The following ADAM7 variants were observed in gnomAD, a reference collection of about 807,000 sequenced individuals.
ADAM7 encodes ADAM metallopeptidase domain 7.
A neutral mutation model predicts 102.9 loss-of-function variants in ADAM7; 97 were observed. The ratio of observed to expected loss-of-function variants is 0.94; its 90% CI spans 0.80 to 1.12. The LOEUF is 1.12. Among genes scored for constraint, ADAM7 ranks in the 50% most tolerant of loss-of-function variants. The probability of loss-of-function intolerance (pLI) is 0.00; values close to 1 mark genes in which losing one functional copy is unlikely to be tolerated. For missense variants in ADAM7, 991 were observed against 908.7 expected, an observed-to-expected ratio of 1.09 and a Z score of -1.16; for synonymous variants, 334 against 304.4, an observed-to-expected ratio of 1.10 and a Z score of -1.01.
At chr8:24,477,578 G>GTGTGTGTGTGTGTT (rs1819810166) in intron 8 of ADAM7, among the ~76,000 whole-genome samples, 1 of 151,966 alleles carries the variant, frequency 6.6e-6, no homozygotes, top group African/African-American at 2.4e-5. Context: ...CAGTGTGTGT[G>GTGTGTGTGTGTGTT]TGTGTGTGTG....
intron 8 of ADAM7, among the ~76,000 whole-genome samples, chr8:24,476,827 C>T (rs73547067): frequency 5.5e-4 from 83 of 152,084 alleles, no homozygotes; most frequent in Non-Finnish European, 1.0e-3. Context: ...TGCTCTGTGA[C>T]GTTGTATAAC....
intron 20 of ADAM7, 55 bp downstream of exon 20, chr8:24,501,631 C>G (rs555518160): frequency 4.9e-5 from 67 of 1,362,614 alleles, no homozygotes; most frequent in Non-Finnish European, 6.7e-5. Context: ...TTTTAAGTAG[C>G]TGAATGTGTT....
chr8:24,482,812 T>C (rs890408365), intron 9 of ADAM7, among the ~76,000 whole-genome samples: 2 of 152,152 alleles, frequency 1.3e-5, no homozygotes, highest in Non-Finnish European at 1.5e-5. Context: ...CTAATATTAA[T>C]ACTAGAAAAG....
In ADAM7 at chr8:24,509,083, T is replaced by C. The variant is rs1821037897; in HGVS notation, c.*537T>C. 2 of 986,014 alleles carry C rather than the reference T, an allele frequency of 2.0e-6. No individual in the cohort carries two copies. Among genetic ancestry groups the C allele is most frequent in the South Asian group, 4.7e-5 (1 of 21,312 alleles). The allele number at this position is 986,014 out of a possible 1,614,324, so 61.1% of individuals were successfully genotyped here. ...AAAAGTGAAAGAGGCAGAAGAATAGTGGACAGAACTGCAGGATAGTCCTTA... is the reference window on the plus strand; with the variant it reads ...AAAAGTGAAAGAGGCAGAAGAATAGCGGACAGAACTGCAGGATAGTCCTTA... On this transcript the variant is annotated 3_prime_UTR_variant, in exon 22 of 22. Transcript: ENST00000175238.
intron 7 of ADAM7, 57 bp from the exon 8 acceptor site, chr8:24,476,376 G>T: frequency 3.1e-6 from 4 of 1,306,428 alleles, no homozygotes; most frequent in Non-Finnish European, 3.2e-6. Context: ...GTATTTTGTT[G>T]AGCTTTTATG....
intron 7 of ADAM7, among the ~76,000 whole-genome samples, chr8:24,469,971 T>C (rs906292084): frequency 4.6e-5 from 7 of 152,066 alleles, no homozygotes; most frequent in African/African-American, 1.7e-4. Context: ...TAATTCAGAA[T>C]ATAAAGCTTA....
chr8:24,502,731 C>A (rs1481454768), intron 20 of ADAM7, among the ~76,000 whole-genome samples: 1 of 151,966 alleles, frequency 6.6e-6, no homozygotes, highest in Non-Finnish European at 1.5e-5. Flanking sequence ...GTAGTAAAAA[C>A]CTTTCCACAA....
intron 1 of ADAM7, among the ~76,000 whole-genome samples, chr8:24,441,421 C>T (rs904634422): frequency 6.6e-6 from 1 of 152,168 alleles, no homozygotes; most frequent in Non-Finnish European, 1.5e-5. Flanking sequence ...CTGTGCTGGC[C>T]ATTAGCTGCT....
intron 17 of ADAM7, among the ~76,000 whole-genome samples, 167 bp from the exon 18 acceptor site, chr8:24,500,010 AT>A (rs1378208255): frequency 6.6e-6 from 1 of 152,072 alleles, no homozygotes; most frequent in African/African-American, 2.4e-5. Flanking sequence ...TTGTTTACTT[AT>A]TTTTATACAT....
chr8:24,501,532 C>G lies in ADAM7; in HGVS notation c.2164C>G (p.Gln722Glu), dbSNP rs139154229. 3.1e-5 allele frequency: 50 copies of G among 1,608,122 alleles called. No homozygotes were observed. The African/African-American group carries it at 5.9e-4, about 19-fold the overall frequency. ...CAAAGGATACTTTGGTGATGAGCAG[C>G]AGATAAGGACTGAGCCAATCCTGCC... is the stretch of plus-strand genomic sequence containing the variant. ...ENKGYFGDEQ[Q>E]IRTEPILPEI... The change falls in exon 20 of 22, where the codon CAG (glutamine) becomes GAG (glutamate). Residue 722 changes from glutamine to glutamate, a missense_variant. Transcript: ENST00000175238.
rs762407602 is a variant in ADAM7 at position 24,463,861 on chromosome 8, C to T, written c.234-21C>T. 28 of 1,598,628 alleles carry T rather than the reference C, an allele frequency of 1.8e-5. No homozygotes were observed. The South Asian group carries it at 3.1e-4, about 18-fold the overall frequency. On this transcript the variant is annotated intron_variant, in intron 3 of 21. Transcript: ENST00000175238. The stretch of plus-strand genomic sequence containing the variant: ...TTTTTAGAACGAACAAATCTCACCA[C>T]CTGTCTGCCCTCTTTTTCAGGGAGT...
At chr8:24,476,533 G>A (rs1819774288) in intron 8 of ADAM7, 29 bp downstream of exon 8, 1 of 1,550,784 alleles carries the variant, frequency 6.4e-7, no homozygotes, top group Non-Finnish European at 8.9e-7. Flanking sequence ...TTTGAATCAA[G>A]CCAATAATAC....
intron 3 of ADAM7, among the ~76,000 whole-genome samples, chr8:24,458,541 A>G (rs922854321): frequency 6.6e-6 from 1 of 152,082 alleles, no homozygotes; most frequent in Non-Finnish European, 1.5e-5. Context: ...GAATTTATTG[A>G]TTGTTTTGTA....
chr8:24,477,588 G>GTGTGTGTGTGTGTGTGTA (rs1819811020), intron 8 of ADAM7, among the ~76,000 whole-genome samples: 1 of 151,954 alleles, frequency 6.6e-6, no homozygotes, highest in African/African-American at 2.4e-5. Context: ...GTGTGTGTGT[G>GTGTGTGTGTGTGTGTGTA]TGTGTGGTAT....
chr8:24,457,673 A>G (rs1253407759), intron 3 of ADAM7, among the ~76,000 whole-genome samples: 2 of 152,268 alleles, frequency 1.3e-5, no homozygotes, highest in Non-Finnish European at 2.9e-5. Flanking sequence ...ACAAGTAAAA[A>G]TTTATAATTT....
intron 16 of ADAM7, among the ~76,000 whole-genome samples, chr8:24,497,144 C>T (rs1170365978): frequency 6.6e-6 from 1 of 152,198 alleles, no homozygotes; most frequent in Admixed American, 6.5e-5. Context: ...TGCACAAGCT[C>T]TCTCTTTGCC....
At chr8:24,454,642 G>A (rs902919494) in intron 3 of ADAM7, among the ~76,000 whole-genome samples, 1 of 152,118 alleles carries the variant, frequency 6.6e-6, no homozygotes, top group Admixed American at 6.5e-5. Flanking sequence ...TTCTGCTCGT[G>A]CACGGTGCGC....
intron 3 of ADAM7, among the ~76,000 whole-genome samples, chr8:24,452,636 T>C (rs1435735157): frequency 6.7e-6 from 1 of 149,420 alleles, no homozygotes; most frequent in East Asian, 2.0e-4. Context: ...AATTGGAGCA[T>C]TTAGTCCATT....
intron 3 of ADAM7, among the ~76,000 whole-genome samples, chr8:24,450,482 A>G (rs570752588): frequency 4.0e-4 from 60 of 151,424 alleles, no homozygotes; most frequent in African/African-American, 1.3e-3. Context: ...AATGCTTGTG[A>G]TTTTTGTACA....
Sources: allele counts gnomAD v4.1 joint callset (sites outside exome capture counted in the v4.1 genomes callset), GRCh38; gene constraint gnomAD v4.1.1; transcripts MANE v1.5; gene names NCBI Gene and HGNC (gene_info 2026-07-23, HGNC 2026-07-21).